The following PLXNA4 variants were observed in gnomAD, a reference collection of about 807,000 sequenced individuals.
PLXNA4 encodes plexin-A4.
In PLXNA4, 44 loss-of-function variants were observed where a neutral mutation model predicts 191.8. The observed-to-expected ratio is 0.23, with a 90% CI of 0.18 to 0.29. The LOEUF (loss-of-function observed/expected upper bound fraction) is 0.29. Among genes scored for constraint, PLXNA4 ranks in the 10% least tolerant of loss-of-function variants. The pLI, the probability that PLXNA4 is intolerant of heterozygous loss-of-function variation, is 1.00. For missense variants in PLXNA4, 1,800 were observed against 2,488.8 expected (o/e 0.72, Z 5.89); for synonymous variants, 1,082 against 1,009.5 (o/e 1.07, Z -1.36).
chr7:132,450,693 T>C (rs1402049540), intron 3 of PLXNA4, among the ~76,000 whole-genome samples: 3 of 152,214 alleles, frequency 2.0e-5, no homozygotes, highest in Admixed American at 6.5e-5. Flanking sequence ...CTCAGCCTGC[T>C]ATAGGAACAA....
chr7:132,203,493 G>A (rs1216898544), intron 10 of PLXNA4, 74 bp from the exon 11 acceptor site: 17 of 1,320,594 alleles, frequency 1.3e-5, no homozygotes, highest in Non-Finnish European at 1.1e-6. Flanking sequence ...CAAATGATCA[G>A]CCTACGGCCG....
intron 30 of PLXNA4, among the ~76,000 whole-genome samples, chr7:132,139,816 C>A (rs1401022697): frequency 1.3e-5 from 2 of 152,220 alleles, no homozygotes; most frequent in African/African-American, 4.8e-5. Context: ...ATGTATATTT[C>A]TTCACCTTCA....
intron 21 of PLXNA4, among the ~76,000 whole-genome samples, chr7:132,173,406 T>C (rs1796353174): frequency 6.6e-6 from 1 of 152,084 alleles, no homozygotes; most frequent in South Asian, 2.1e-4. Flanking sequence ...AACACACATA[T>C]AGACAGAGAG....
rs139018161 is a variant in PLXNA4, at chr7:132,603,883, C to T, written c.-87+42045G>A. On this transcript the variant is annotated intron_variant, in intron 2 of 4. Coordinates refer to the PLXNA4 transcript ENST00000378539. ...CTTGAGCAAATCACTTAATTTGGGG[C>T]GGGGTCCTTTGTTTCAAATAGATCT... is the stretch of plus-strand genomic sequence containing the variant. 1.5e-4 allele frequency among the ~76,000 whole-genome samples: 23 copies of T among 152,222 alleles called. 1 individual carries two copies. Among genetic ancestry groups the T allele is most frequent in the African/African-American group, 4.8e-4 (20 of 41,538 alleles).
chr7:132,191,219 A>G (rs1161665467), intron 14 of PLXNA4, among the ~76,000 whole-genome samples: 3 of 152,194 alleles, frequency 2.0e-5, no homozygotes, highest in Non-Finnish European at 4.4e-5. Context: ...CAGAGAGAAA[A>G]GCAAGGGAAA....
At chr7:132,598,668 A>G in intron 2 of PLXNA4, among the ~76,000 whole-genome samples, 7 of 150,606 alleles carry the variant, frequency 4.6e-5, no homozygotes, top group African/African-American at 1.7e-4. Flanking sequence ...TTTCCTGTGA[A>G]TTCTAAATAA....
chr7:132,234,644 C>T (rs1275702144), intron 5 of PLXNA4, among the ~76,000 whole-genome samples: 2 of 135,904 alleles, frequency 1.5e-5, no homozygotes, highest in African/African-American at 2.8e-5. Context: ...GTATTGGGGG[C>T]TTGGCGGGGG....
intron 21 of PLXNA4, among the ~76,000 whole-genome samples, chr7:132,171,480 G>A (rs978152730): frequency 5.9e-5 from 9 of 152,292 alleles, no homozygotes; most frequent in South Asian, 2.1e-4. Context: ...AAGCCTTCCC[G>A]TGCAGGGCCT....
chr7:132,342,504 A>G (rs1419686682), intron 3 of PLXNA4, among the ~76,000 whole-genome samples: 1 of 152,090 alleles, frequency 6.6e-6, no homozygotes, highest in Non-Finnish European at 1.5e-5. Context: ...GCACAACCCC[A>G]AGCAAGAATT....
chr7:132,539,377 C>G (rs1799976520), intron 1 of PLXNA4, among the ~76,000 whole-genome samples: 1 of 152,154 alleles, frequency 6.6e-6, no homozygotes, highest in African/African-American at 2.4e-5. Context: ...GGGCTCCAGT[C>G]AGTGGTTCTC....
chr7:132,588,945 G>T (rs1802557630), intron 2 of PLXNA4, among the ~76,000 whole-genome samples: 1 of 151,856 alleles, frequency 6.6e-6, no homozygotes, highest in African/African-American at 2.4e-5. Flanking sequence ...AATAATAAAG[G>T]TATCTTCAAA....
chr7:132,325,109 T>C (rs547236037), intron 3 of PLXNA4, among the ~76,000 whole-genome samples: 18 of 152,182 alleles, frequency 1.2e-4, no homozygotes, highest in Non-Finnish European at 1.9e-4. Flanking sequence ...TTTATTCTTC[T>C]GGGTAACTTT....
chr7:132,421,710 T>C (rs1314079280), intron 3 of PLXNA4, among the ~76,000 whole-genome samples: 1 of 152,054 alleles, frequency 6.6e-6, no homozygotes, highest in African/African-American at 2.4e-5. Context: ...GTGCTCAAAA[T>C]GGTAATTATT....
intron 21 of PLXNA4, among the ~76,000 whole-genome samples, chr7:132,169,150 G>C (rs1174306008): frequency 1.3e-5 from 2 of 152,192 alleles, no homozygotes; most frequent in Non-Finnish European, 2.9e-5. Context: ...TTATCCACAT[G>C]ATAAAAAGGG....
At chr7:132,461,116 G>T (rs1011994155) in intron 3 of PLXNA4, among the ~76,000 whole-genome samples, 1 of 152,080 alleles carries the variant, frequency 6.6e-6, no homozygotes, top group African/African-American at 2.4e-5. Flanking sequence ...CAAAAGCAGG[G>T]GTCAGCAAAC....
intron 1 of PLXNA4, among the ~76,000 whole-genome samples, chr7:132,566,883 T>C (rs1033507144): frequency 2.0e-5 from 3 of 152,206 alleles, no homozygotes; most frequent in Admixed American, 6.5e-5. Context: ...AGGCGGTGCC[T>C]CTGAAAGTTG....
intron 4 of PLXNA4, among the ~76,000 whole-genome samples, chr7:132,290,099 G>A (rs544538398): frequency 1.4e-4 from 22 of 152,304 alleles, no homozygotes; most frequent in East Asian, 1.2e-3. Context: ...CTTGAGCACC[G>A]GCAGCTCAGA....
At chr7:132,361,673 T>A (rs1803948769) in intron 3 of PLXNA4, among the ~76,000 whole-genome samples, 1 of 152,188 alleles carries the variant, frequency 6.6e-6, no homozygotes, top group Admixed American at 6.5e-5. Context: ...GAAATTTGTT[T>A]AACAGAATCA....
At chr7:132,635,173 TATATATA>T (rs1803573569) in intron 2 of PLXNA4, among the ~76,000 whole-genome samples, 2 of 4,972 alleles carry the variant, frequency 4.0e-4, no homozygotes, top group African/African-American at 2.4e-3. Flanking sequence ...CTCCCCTTTA[TATATATA>T]TATATATATA....
Sources: allele counts gnomAD v4.1 joint callset (sites outside exome capture counted in the v4.1 genomes callset), GRCh38; gene constraint gnomAD v4.1.1; transcripts MANE v1.5; gene names NCBI Gene and HGNC (gene_info 2026-07-23, HGNC 2026-07-21).